The following ATP2C2 variants were observed in gnomAD, a reference collection of about 807,000 sequenced individuals.
ATP2C2 encodes ATPase secretory pathway Ca2+ transporting 2, also known as calcium-transporting ATPase type 2C member 2.
In ATP2C2, 171 loss-of-function variants were observed where a neutral mutation model predicts 110.8. The observed-to-expected ratio is 1.54, with a 90% confidence interval of 1.36 to 1.75. The LOEUF (loss-of-function observed/expected upper bound fraction) is 1.75. Among genes scored for constraint, ATP2C2 ranks in the 40% most tolerant of loss-of-function variants. ATP2C2 has a pLI of 0.00. For missense variants in ATP2C2, 1,963 were observed against 1,235.0 expected (o/e 1.59, Z -8.84); for synonymous variants, 804 against 508.4 (o/e 1.58, Z -7.82).
chr16:84,430,492 T>C (rs1184931842), intron 11 of ATP2C2, among the ~76,000 whole-genome samples: 1 of 151,946 alleles, frequency 6.6e-6, no homozygotes, highest in Non-Finnish European at 1.5e-5. Context: ...AATACAAAAA[T>C]CAGCTAGGCG....
chr16:84,438,056 C>G (rs554579336), intron 11 of ATP2C2, among the ~76,000 whole-genome samples: 1 of 152,218 alleles, frequency 6.6e-6, no homozygotes, highest in Non-Finnish European at 1.5e-5. Context: ...GTGCCAGTGC[C>G]TTGTTCCTTT....
Position 84,393,627 on chromosome 16 carries a change from C to T in ATP2C2, c.100-4872C>T, listed in dbSNP as rs770883793. Among the ~76,000 whole-genome samples the T allele has an allele frequency of 8.2e-4, 125 of 152,064 alleles. 1 individual carries two copies. The highest frequency in any genetic ancestry group is 1.3e-3 in the Non-Finnish European group (91 of 67,990). ...GAGCAGGTGTATTTCCAATGCAAGG[C>T]CCAGAAAAGAGGTTATGTTTAAAGT... On this transcript the variant is annotated intron_variant, in intron 1 of 26. Transcript: ENST00000262429.
At chr16:84,445,431 A>G (rs148077494) in intron 15 of ATP2C2, among the ~76,000 whole-genome samples, 125 of 151,942 alleles carry the variant, frequency 8.2e-4, no homozygotes, top group African/African-American at 2.9e-3. Flanking sequence ...GATGGTCTTG[A>G]TCTCCTCACC....
At chr16:84,398,343 T>G (rs1905115546) in intron 1 of ATP2C2, among the ~76,000 whole-genome samples, 156 bp from the exon 2 acceptor site, 1 of 151,326 alleles carries the variant, frequency 6.6e-6, no homozygotes, top group Non-Finnish European at 1.5e-5. Context: ...TAAGTGGAGG[T>G]TGTGGTGAGC....
At chr16:84,452,901 G>A (rs1910425375) in intron 18 of ATP2C2, among the ~76,000 whole-genome samples, 1 of 152,078 alleles carries the variant, frequency 6.6e-6, no homozygotes, top group South Asian at 2.1e-4. Context: ...CTCCTTACCA[G>A]CTGTGTGTCC....
intron 4 of ATP2C2, 86 bp downstream of exon 4, chr16:84,408,580 A>T: frequency 9.0e-7 from 1 of 1,113,800 alleles, no homozygotes; most frequent in Non-Finnish European, 1.3e-6. Flanking sequence ...AAAGAAAAAA[A>T]AGAGTTTGCT....
chr16:84,446,872 C>T (rs1320284416), intron 16 of ATP2C2, among the ~76,000 whole-genome samples: 1 of 152,106 alleles, frequency 6.6e-6, no homozygotes, highest in African/African-American at 2.4e-5. Flanking sequence ...CTCTTTGCAG[C>T]CCTGTGCTAA....
intron 11 of ATP2C2, 192 bp from the exon 12 acceptor site, chr16:84,438,974 C>G: frequency 1.4e-6 from 1 of 694,238 alleles, no homozygotes; most frequent in Non-Finnish European, 2.3e-6. Context: ...GCGGGGTCTG[C>G]AGGGGAGGGC....
chr16:84,455,394 A>G (rs1910702371), intron 21 of ATP2C2, among the ~76,000 whole-genome samples: 1 of 152,092 alleles, frequency 6.6e-6, no homozygotes, highest in African/African-American at 2.4e-5. Context: ...TAAAATGAAC[A>G]TCTTCCGTTT....
In ATP2C2 at chr16:84,460,652, A is replaced by C; in HGVS notation, c.2334-2A>C. 2 of 1,614,202 alleles carry C rather than the reference A, an allele frequency of 1.2e-6. No individual in the cohort carries two copies. Among genetic ancestry groups the C allele is most frequent in the Non-Finnish European group, 1.7e-6 (2 of 1,180,028 alleles). The stretch of plus-strand genomic sequence containing the variant: ...AAAGTGTCTGTGTCTTGTTCGGAGC[A>C]GCTTGGGGGTAGAGCCCGTTGACAA... On this transcript the variant is annotated splice_acceptor_variant, in intron 23 of 26. Transcript: ENST00000262429. LOFTEE classifies it high-confidence loss of function.
intron 11 of ATP2C2, among the ~76,000 whole-genome samples, chr16:84,431,314 T>C (rs6564037): frequency 0.38 from 57,432 of 151,468 alleles, 11,031 homozygotes; most frequent in South Asian, 0.4. Flanking sequence ...GCCTGGCCAA[T>C]GTGGTGTTGC....
At chr16:84,406,616 A>G (rs550882990) in intron 3 of ATP2C2, 2 of 985,574 alleles carry the variant, frequency 2.0e-6, no homozygotes, top group East Asian at 2.3e-4. Flanking sequence ...AATGTTATTC[A>G]TCGATGCGTT....
At chr16:84,373,513 C>CAAT (rs1555550390) in intron 1 of ATP2C2, among the ~76,000 whole-genome samples, 1 of 151,738 alleles carries the variant, frequency 6.6e-6, no homozygotes, top group African/African-American at 2.4e-5. Context: ...ACAACAACAA[C>CAAT]AAAAAAAGAG....
At chr16:84,420,765 G>T (rs372104201) in intron 7 of ATP2C2, among the ~76,000 whole-genome samples, 1 of 152,100 alleles carries the variant, frequency 6.6e-6, no homozygotes, top group Non-Finnish European at 1.5e-5. Flanking sequence ...GGCTGTGACA[G>T]TTTCTGATGT....
At chr16:84,412,074 A>G (rs1040952330) in intron 6 of ATP2C2, among the ~76,000 whole-genome samples, 1 of 151,074 alleles carries the variant, frequency 6.6e-6, no homozygotes, top group Non-Finnish European at 1.5e-5. Context: ...CAGTGGCAGG[A>G]TCTCGGCTCA....
At chr16:84,414,095 G>A (rs985225438) in intron 6 of ATP2C2, among the ~76,000 whole-genome samples, 63 of 152,284 alleles carry the variant, frequency 4.1e-4, no homozygotes, top group Admixed American at 9.8e-4. Context: ...AATAGCTGTC[G>A]ATCAGGCTGA....
rs555105310 is a variant in ATP2C2, at chr16:84,369,821, A to T, written c.99+1107A>T. Among the ~76,000 whole-genome samples the T allele has an allele frequency of 1.5e-3, 224 of 152,338 alleles. 1 individual carries two copies. The highest frequency in any genetic ancestry group is 2.3e-3 in the Non-Finnish European group (154 of 68,040). On this transcript the variant is annotated intron_variant, in intron 1 of 26. Transcript: ENST00000262429. ...TTTTATACATCCCTGTTGATGTAAG[A>T]ATTCTGGTCTTAGGGTGGTAGGCCA... is the stretch of plus-strand genomic sequence containing the variant.
Position 84,448,657 on chromosome 16 carries a change from A to G in ATP2C2, c.1628A>G (p.Glu543Gly), listed in dbSNP as rs779261195. ...TPQQRSFCLQ[E>G]EKRMGSLGLR... ...CAGCAGAGGTCATTCTGCCTGCAGGAAGAGAAGAGGATGGGGTCGCTCGGT... is the reference window on the plus strand; with the variant it reads ...CAGCAGAGGTCATTCTGCCTGCAGGGAGAGAAGAGGATGGGGTCGCTCGGT... The change falls in exon 17 of 27, where the codon GAA becomes GGA. Residue 543 changes from glutamate to glycine, a missense_variant. Transcript: ENST00000262429. The G allele has an allele frequency of 5.2e-5, 84 of 1,613,710 alleles. No homozygotes were observed. The highest frequency in any genetic ancestry group is 1.6e-4 in the Middle Eastern group (1 of 6,078).
chr16:84,427,796 G>A (rs1037072010), intron 11 of ATP2C2, among the ~76,000 whole-genome samples: 2 of 152,132 alleles, frequency 1.3e-5, no homozygotes, highest in South Asian at 4.1e-4. Flanking sequence ...TGGGGTTGGG[G>A]AGTGTGTAGT....
Sources: gnomAD v4.1 joint callset for allele counts (sites outside exome capture counted in the v4.1 genomes callset) on GRCh38, gnomAD v4.1.1 for gene constraint, MANE v1.5 for transcripts, NCBI Gene and HGNC (gene_info 2026-07-23, HGNC 2026-07-21) for gene names.